MFN1: variants seen among roughly 807,000 people sequenced by gnomAD.
The protein encoded by MFN1 is mitofusin-1.
A neutral mutation model predicts 92.4 loss-of-function variants in MFN1; 65 were observed. The observed-to-expected ratio is 0.70, with a 90% CI of 0.58 to 0.86. MFN1 has a LOEUF of 0.86. Ranked by LOEUF, MFN1 falls within the 40% of genes least tolerant of loss-of-function variation. The probability of loss-of-function intolerance (pLI) is 0.00; values close to 1 mark genes in which losing one functional copy is unlikely to be tolerated. For missense variants in MFN1, 781 were observed against 868.0 expected, an observed-to-expected ratio of 0.90 and a Z score of 1.26; for synonymous variants, 297 against 300.9, an observed-to-expected ratio of 0.99 and a Z score of 0.13.
chr3:179,386,012 A>G (rs1713673219), intron 15 of MFN1, among the ~76,000 whole-genome samples: 5 of 152,218 alleles, frequency 3.3e-5, no homozygotes, highest in Non-Finnish European at 2.9e-5. Flanking sequence ...GGTAATAAGA[A>G]AACCCCAGGT....
chr3:179,353,893 C>A (rs1326095146), intron 3 of MFN1, among the ~76,000 whole-genome samples: 1 of 152,264 alleles, frequency 6.6e-6, no homozygotes, highest in Admixed American at 6.5e-5. Context: ...TCTCATTCTT[C>A]ATATTTCATC....
intron 3 of MFN1, among the ~76,000 whole-genome samples, chr3:179,356,066 A>G (rs934820508): frequency 2.6e-5 from 4 of 152,212 alleles, no homozygotes; most frequent in Admixed American, 6.5e-5. Context: ...TTCTAAAACC[A>G]TAGGAATTCC....
chr3:179,374,485 T>C (rs1713160552), intron 9 of MFN1, among the ~76,000 whole-genome samples: 1 of 150,870 alleles, frequency 6.6e-6, no homozygotes, highest in Admixed American at 6.6e-5. Flanking sequence ...ATGTGATGCA[T>C]TGTGACGTAT....
intron 3 of MFN1, among the ~76,000 whole-genome samples, chr3:179,356,662 G>A (rs1329264324): frequency 1.3e-5 from 2 of 152,136 alleles, no homozygotes; most frequent in African/African-American, 4.8e-5. Flanking sequence ...TTTTGGGAAG[G>A]CAGGGTGACA....
At chr3:179,389,938 A>G in intron 16 of MFN1, 66 bp from the exon 17 acceptor site, 1 of 1,425,386 alleles carries the variant, frequency 7.0e-7, no homozygotes, top group South Asian at 1.3e-5. Flanking sequence ...TTTTTATGTG[A>G]GCTTTAAATT....
intron 4 of MFN1, among the ~76,000 whole-genome samples, chr3:179,361,382 A>AG (rs1712570053): frequency 6.6e-6 from 1 of 152,184 alleles, no homozygotes. Context: ...TGTGATGGAT[A>AG]GGTCTGGGCT....
At chr3:179,384,034 G>C (rs942462577) in intron 14 of MFN1, among the ~76,000 whole-genome samples, 1 of 152,090 alleles carries the variant, frequency 6.6e-6, no homozygotes, top group Non-Finnish European at 1.5e-5. Flanking sequence ...TTATGGATTT[G>C]CCCTTTCTGG....
chr3:179,356,930 G>GA (rs559547905), intron 3 of MFN1, among the ~76,000 whole-genome samples: 49 of 152,248 alleles, frequency 3.2e-4, no homozygotes, highest in Non-Finnish European at 6.9e-4. Flanking sequence ...AGATGGGGGG[G>GA]AACCTTAATC....
chr3:179,389,472 T>C (rs906264006), intron 16 of MFN1, among the ~76,000 whole-genome samples: 1 of 152,084 alleles, frequency 6.6e-6, no homozygotes, highest in Non-Finnish European at 1.5e-5. Flanking sequence ...ATATTTAATA[T>C]TTAACAAAAT....
intron 3 of MFN1, among the ~76,000 whole-genome samples, chr3:179,355,510 C>A (rs148212641): frequency 3.3e-5 from 5 of 152,070 alleles, no homozygotes; most frequent in Non-Finnish European, 7.4e-5. Flanking sequence ...AAATATGAGA[C>A]TTGGACTAGG....
intron 2 of MFN1, among the ~76,000 whole-genome samples, chr3:179,349,511 T>C (rs549641396): frequency 7.1e-6 from 1 of 141,166 alleles, no homozygotes. Flanking sequence ...AGGGAATACT[T>C]CTTTTTTTTT....
chr3:179,351,733 A>G (rs1357174506), intron 2 of MFN1, among the ~76,000 whole-genome samples, 167 bp from the exon 3 acceptor site: 1 of 152,140 alleles, frequency 6.6e-6, no homozygotes, highest in African/African-American at 2.4e-5. Context: ...TTTGGGCGGG[A>G]TTCTTGTGAC....
At chr3:179,362,766 C>G (rs985659550) in intron 5 of MFN1, among the ~76,000 whole-genome samples, 1 of 152,230 alleles carries the variant, frequency 6.6e-6, no homozygotes, top group East Asian at 1.9e-4. Context: ...CTTCGCCTGC[C>G]GGGTACAAGT....
At chr3:179,382,109 A>G (rs886967853) in intron 14 of MFN1, among the ~76,000 whole-genome samples, 4 of 152,112 alleles carry the variant, frequency 2.6e-5, no homozygotes, top group East Asian at 3.8e-4. Context: ...TCTAGGGTAC[A>G]TGTACACAAC....
chr3:179,370,392 C>CTTTTTTTTTTTTTTTTTTTTTT (rs34938438), intron 9 of MFN1, among the ~76,000 whole-genome samples: 1 of 88,068 alleles, frequency 1.1e-5, no homozygotes, highest in African/African-American at 4.5e-5. Context: ...TCACTAAGTT[C>CTTTTTTTTTTTTTTTTTTTTTT]TTTTTTTTTT....
chr3:179,378,258 C>A, intron 12 of MFN1, 83 bp from the exon 13 acceptor site: 2 of 1,013,590 alleles, frequency 2.0e-6, no homozygotes, highest in Admixed American at 2.3e-5. Context: ...ACCATTTTGG[C>A]ATTTACTGAA....
At chr3:179,378,065 A>C (rs1452018515) in intron 12 of MFN1, among the ~76,000 whole-genome samples, 1 of 152,202 alleles carries the variant, frequency 6.6e-6, no homozygotes, top group Middle Eastern at 3.4e-3. Flanking sequence ...TATCTCAAAA[A>C]AAATAAAAAA....
rs758070955 is a variant in MFN1 at position 179,393,825 on chromosome 3, G to C, written c.*1766G>C. 6.6e-6 allele frequency: 1 copy of C among 152,164 alleles called. No homozygotes were observed. Among genetic ancestry groups the C allele is most frequent in the Non-Finnish European group, 1.5e-5 (1 of 68,068 alleles). The allele number at this position is 152,164 out of a possible 1,614,324, so 9.4% of individuals were successfully genotyped here. A position where few individuals can be genotyped will look rare whatever the true frequency, so the allele number is the denominator to read the frequency against. On this transcript the variant is annotated 3_prime_UTR_variant, in exon 18 of 18. Coordinates refer to ENST00000471841, the MANE Select transcript of MFN1 (RefSeq NM_033540.3). ...TATCACCTCATTAGTATAGTACAGT[G>C]GTTCTCAAAGTTTGGTCCTGGGTCA...
chr3:179,366,209 A>T (rs115959474), intron 7 of MFN1, among the ~76,000 whole-genome samples: 1 of 152,202 alleles, frequency 6.6e-6, no homozygotes, highest in Non-Finnish European at 1.5e-5. Context: ...CCAAAACGTC[A>T]GTAATGCAGA....
Sources: allele counts gnomAD v4.1 joint callset (sites outside exome capture counted in the v4.1 genomes callset), GRCh38; gene constraint gnomAD v4.1.1; transcripts MANE v1.5; gene names NCBI Gene and HGNC (gene_info 2026-07-23, HGNC 2026-07-21).